Variants in FGF6 observed in about 807,000 individuals in gnomAD.
The protein encoded by FGF6 is fibroblast growth factor 6.
Under a neutral mutation model 18.4 loss-of-function variants are expected in FGF6, and 14 were observed. That is an observed-to-expected ratio of 0.76 (90% CI 0.50 to 1.19). The LOEUF is 1.19. Among genes scored for constraint, FGF6 ranks in the 50% most tolerant of loss-of-function variants. FGF6 has a pLI of 0.00. For synonymous variants in FGF6, 125 were observed against 116.7 expected (o/e 1.07, Z -0.46); for missense variants, 266 against 271.6 (o/e 0.98, Z 0.15).
chr12:4,442,722 G>A (rs565756369), intron 2 of FGF6, among the ~76,000 whole-genome samples: 4 of 152,258 alleles, frequency 2.6e-5, no homozygotes, highest in African/African-American at 7.2e-5. Context: ...TTGGTCCCAG[G>A]CCTCTTCCTG....
chr12:4,440,533 CT>C lies in FGF6; in HGVS notation c.450+3599del, dbSNP rs1266484142. Reference sequence around the variant, plus strand: ...GTCCTAAGACTTTCTTCTGTAGCCCCTGACTGCTTCTTTTCCTGTCTTTAGC... The same window carrying C: ...GTCCTAAGACTTTCTTCTGTAGCCCCGACTGCTTCTTTTCCTGTCTTTAGC... On this transcript the variant is annotated intron_variant, in intron 2 of 2. Transcript: ENST00000228837. Among the ~76,000 whole-genome samples, 8 of 152,336 alleles carry C rather than the reference CT, an allele frequency of 5.3e-5. No homozygotes were observed. The East Asian group carries it at 1.3e-3, about 26-fold the overall frequency.
intron 2 of FGF6, among the ~76,000 whole-genome samples, chr12:4,437,637 C>T (rs1355195067): frequency 6.6e-6 from 1 of 152,170 alleles, no homozygotes; most frequent in African/African-American, 2.4e-5. Context: ...TAGAGTCCAG[C>T]AGTAGATCCC....
intron 2 of FGF6, among the ~76,000 whole-genome samples, chr12:4,441,928 A>G (rs1260884843): frequency 6.6e-6 from 1 of 151,828 alleles, no homozygotes; most frequent in Non-Finnish European, 1.5e-5. Context: ...AGCCACACAA[A>G]ACGTCAGGTG....
chr12:4,438,650 A>G (rs929030917), intron 2 of FGF6, among the ~76,000 whole-genome samples: 1 of 144,748 alleles, frequency 6.9e-6, no homozygotes, highest in Non-Finnish European at 1.5e-5. Flanking sequence ...AGTCCCAGCT[A>G]CTTGGGAGGC....
At position 4,445,338 on chromosome 12, in the gene FGF6, T is replaced by C. The variant is rs1222837591; in HGVS notation, c.233A>G (p.Tyr78Cys). The change falls in exon 1 of 3, where the codon TAT (tyrosine) becomes TGT (cysteine). Residue 78 changes from tyrosine (Y) to cysteine (C), a missense_variant. Transcript: ENST00000228837. This position sits in a 1 kb window ranked among gnomAD's most constrained non-coding sequence, Gnocchi z 5.5. ...CCGCTGCCGCTTGATCCCCACCAAA[T>C]AGCCACTTTCCCAGTTCACCCCGGC... is the stretch of plus-strand genomic sequence containing the variant. ...EIAGVNWESG[Y>C]LVGIKRQRRL... 1 of 1,613,860 alleles carries C rather than the reference T, an allele frequency of 6.2e-7. No individual in the cohort carries two copies. Among genetic ancestry groups the C allele is most frequent in the African/African-American group, 1.3e-5 (1 of 74,874 alleles).
At position 4,441,341 on chromosome 12, in the gene FGF6, C is replaced by T. The variant is rs778283855; in HGVS notation, c.450+2792G>A. On this transcript the variant is annotated intron_variant, in intron 2 of 2. Coordinates refer to ENST00000228837, the MANE Select transcript of FGF6 (RefSeq NM_020996.3). ...GAACTCGGGTCGCGGAGCCCTGAGA[C>T]GGGGCTGCACACAGCTGTGGCTGGA... 7.5e-4 allele frequency among the ~76,000 whole-genome samples: 114 copies of T among 152,260 alleles called. 4 individuals carry two copies. The highest frequency in any genetic ancestry group is 5.6e-3 in the Admixed American group (86 of 15,302).
In FGF6 at chr12:4,445,410, C is replaced by T; in HGVS notation, c.161G>A (p.Trp54Ter). 1 of 1,613,578 alleles carries T rather than the reference C, an allele frequency of 6.2e-7. No individual in the cohort carries two copies. The highest frequency in any genetic ancestry group is 8.5e-7 in the Non-Finnish European group (1 of 1,179,982). The change falls in exon 1 of 3, where the codon TGG becomes TAG. Residue 54 changes from tryptophan to a stop codon, truncating the protein, a stop_gained. Coordinates refer to ENST00000228837, the MANE Select transcript of FGF6 (RefSeq NM_020996.3). LOFTEE classifies it high-confidence loss of function. This position sits in a 1 kb window ranked among gnomAD's most constrained non-coding sequence, Gnocchi z 5.5. The part of the protein sequence containing the change: ...ANNTLLDSRG[W>*]GTLLSRSRAG... The stretch of plus-strand genomic sequence containing the variant: ...GCGAGACCTGGACAGCAGGGTGCCC[C>T]AGCCCCTCGAGTCCAGCAGCGTGTT...
chr12:4,445,096 C>A lies in FGF6; in HGVS notation c.346+129G>T. The stretch of plus-strand genomic sequence containing the variant: ...CCCAGGCAGGGTCACGTGGAATCAT[C>A]TAAGTGGTGAGCAGCATTTCTGCCC... On this transcript the variant is annotated intron_variant, in intron 1 of 2. Coordinates refer to ENST00000228837, the MANE Select transcript of FGF6 (RefSeq NM_020996.3). This position sits in a 1 kb window ranked among gnomAD's most constrained non-coding sequence, Gnocchi z 5.5. 1 of 798,542 alleles carries A rather than the reference C, an allele frequency of 1.3e-6. No individual in the cohort carries two copies. The highest frequency in any genetic ancestry group is 2.0e-6 in the Non-Finnish European group (1 of 508,818). 49.5% of individuals were successfully genotyped at this position (798,542 alleles called of 1,614,324 possible).
chr12:4,439,509 C>T lies in FGF6; in HGVS notation c.450+4624G>A, dbSNP rs139735578. 5.6e-3 allele frequency among the ~76,000 whole-genome samples: 849 copies of T among 152,224 alleles called. 9 individuals are homozygous for T. Among genetic ancestry groups the T allele is most frequent in the African/African-American group, 0.02 (817 of 41,512 alleles). ...CCCACTTCCCCGTGCCTAGAATGTG[C>T]CCATTTGAGAACCCAGCCTCTCCTA... On this transcript the variant is annotated intron_variant, in intron 2 of 2. Transcript: ENST00000228837.
rs1591694460 is a variant in FGF6, at chr12:4,445,679, T to C, written c.-109A>G. ...CAGGGGCTTATTTTTGGAAGGCAGA[T>C]GAAGGCTGCTGACATGAAACCAAAG... On this transcript the variant is annotated 5_prime_UTR_variant, in exon 1 of 3. Coordinates refer to ENST00000228837, the MANE Select transcript of FGF6 (RefSeq NM_020996.3). The surrounding 1 kb of genome is among the most constrained non-coding windows in gnomAD (Gnocchi z 5.5). 3 of 892,252 alleles carry C rather than the reference T, an allele frequency of 3.4e-6. No individual in the cohort carries two copies. The East Asian group carries it at 8.0e-5, about 24-fold the overall frequency. The allele number at this position is 892,252 out of a possible 1,614,324, so 55.3% of individuals were successfully genotyped here. A position where few individuals can be genotyped will look rare whatever the true frequency, so the allele number is the denominator to read the frequency against.
chr12:4,435,767 C>T (rs778501052), intron 2 of FGF6, among the ~76,000 whole-genome samples: 49 of 152,126 alleles, frequency 3.2e-4, no homozygotes, highest in Admixed American at 3.9e-4. Context: ...GTCACATGAA[C>T]GCTGGACTTC....
Position 4,434,147 on chromosome 12 carries a change from C to A in FGF6, c.*68G>T. Reference sequence around the variant, plus strand: ...GAAGCCATGGAGGGCAAGGGGAATTCTTCGCTGGTGCAAAATTTCAATCGA... The same window carrying A: ...GAAGCCATGGAGGGCAAGGGGAATTATTCGCTGGTGCAAAATTTCAATCGA... On this transcript the variant is annotated 3_prime_UTR_variant, in exon 3 of 3. Transcript: ENST00000228837. 6.5e-7 allele frequency: 1 copy of A among 1,540,764 alleles called. No homozygotes were observed. Among genetic ancestry groups the A allele is most frequent in the Non-Finnish European group, 8.9e-7 (1 of 1,122,286 alleles).
intron 2 of FGF6, 70 bp from the exon 3 acceptor site, chr12:4,434,461 C>CTACTCTCTGCGGCCCAGCTG: frequency 6.6e-7 from 1 of 1,510,616 alleles, no homozygotes; most frequent in Non-Finnish European, 9.2e-7. Context: ...CCAGCTGGGC[C>CTACTCTCTGCGGCCCAGCTG]GCAGAGAGTA....
intron 2 of FGF6, 43 bp from the exon 3 acceptor site, chr12:4,434,434 G>A (rs765800444): frequency 6.2e-7 from 1 of 1,604,452 alleles, no homozygotes; most frequent in South Asian, 1.1e-5. Flanking sequence ...GGTTACAAAT[G>A]AGGAGTGCTG....
At chr12:4,444,062 A>C (rs556049786) in intron 2 of FGF6, 71 bp downstream of exon 2, 1 of 984,466 alleles carries the variant, frequency 1.0e-6, no homozygotes, top group East Asian at 2.4e-5. Context: ...TCAGGACTTC[A>C]TATTATTTTC....
rs1459095310 is a variant in FGF6 at position 4,445,067 on chromosome 12, T to G, written c.346+158A>C. Among the ~76,000 whole-genome samples, 1 of 152,168 alleles carries G rather than the reference T, an allele frequency of 6.6e-6. No individual in the cohort carries two copies. The highest frequency in any genetic ancestry group is 2.4e-5 in the African/African-American group (1 of 41,434). ...TGCTTGGACCGCAGTATATTGAGCT[T>G]GCACCCAGGCAGGGTCACGTGGAAT... On this transcript the variant is annotated intron_variant, in intron 1 of 2. Transcript: ENST00000228837. The surrounding 1 kb of genome is among the most constrained non-coding windows in gnomAD (Gnocchi z 5.5).
intron 2 of FGF6, among the ~76,000 whole-genome samples, chr12:4,438,965 C>A (rs950365962): frequency 6.6e-6 from 1 of 151,940 alleles, no homozygotes; most frequent in Non-Finnish European, 1.5e-5. Context: ...AAAGATGATA[C>A]CGGTGCGTGC....
At chr12:4,443,950 C>A (rs970486092) in intron 2 of FGF6, among the ~76,000 whole-genome samples, 183 bp downstream of exon 2, 1 of 152,204 alleles carries the variant, frequency 6.6e-6, no homozygotes. Flanking sequence ...GGGCAGAGGA[C>A]AATCACCCGT....
chr12:4,434,793 A>T (rs1217489533), intron 2 of FGF6, among the ~76,000 whole-genome samples: 1 of 152,094 alleles, frequency 6.6e-6, no homozygotes, highest in Non-Finnish European at 1.5e-5. Flanking sequence ...TCTCAAGTCC[A>T]CTCTGAGAGG....
Sources: gnomAD v4.1 joint callset for allele counts (sites outside exome capture counted in the v4.1 genomes callset) on GRCh38, gnomAD v4.1.1 for gene constraint, Gnocchi (gnomAD v3.1) non-coding constraint, MANE v1.5 for transcripts, NCBI Gene and HGNC (gene_info 2026-07-23, HGNC 2026-07-21) for gene names.